Variants in EPHA5 observed in about 807,000 individuals in gnomAD.
EPHA5 encodes the protein ephrin type-A receptor 5.
A neutral mutation model predicts 105.0 loss-of-function variants in EPHA5; 60 were observed. The observed-to-expected ratio is 0.57, with a 90% CI of 0.46 to 0.71. The LOEUF (loss-of-function observed/expected upper bound fraction) is 0.71, where lower values mean the gene tolerates loss of function less well. EPHA5 is among the 30% of genes least tolerant of loss of function. EPHA5 has a pLI of 0.00. For missense variants in EPHA5, 1,218 were observed against 1,274.7 expected (o/e 0.96, Z 0.68); for synonymous variants, 513 against 449.1 (o/e 1.14, Z -1.80).
intron 3 of EPHA5, among the ~76,000 whole-genome samples, chr4:65,575,190 C>G (rs959900753): frequency 5.3e-5 from 8 of 151,946 alleles, no homozygotes; most frequent in African/African-American, 1.9e-4. Context: ...CAAAATGAAT[C>G]CTGGCAATCA....
In EPHA5 at chr4:65,601,654, AT is replaced by A; in HGVS notation, c.896del (p.Asn299MetfsTer123). ...CMCKAGYEEK[N>X]GTCQVCRPGF... ...GCAAACTCTTACCTTGACAGGTGCC[AT>A]TTTTCTCTTCATATCCTGCCTTGCA... On this transcript the variant is annotated frameshift_variant, in exon 3 of 17. Coordinates refer to ENST00000613740, the MANE Select transcript of EPHA5 (RefSeq NM_001281766.3). LOFTEE classifies it high-confidence loss of function. 6.2e-7 allele frequency: 1 copy of A among 1,612,914 alleles called. No individual in the cohort carries two copies. The highest frequency in any genetic ancestry group is 8.5e-7 in the Non-Finnish European group (1 of 1,179,018).
rs1363376793 is a variant in EPHA5 at position 65,348,188 on chromosome 4, T to C, written c.2461A>G (p.Ile821Val). 4.3e-6 allele frequency: 7 copies of C among 1,610,712 alleles called. No homozygotes were observed. The East Asian group carries it at 1.1e-4, about 26-fold the overall frequency. ...AYTTRGGKIP[I>V]RWTAPEAIAF... is the part of the protein sequence containing the mutation. ...ATTGCTTCTGGGGCAGTCCATCTGATTGGAATTTTTCCTCCCTAAAATTGA... is the reference window on the plus strand; with the variant it reads ...ATTGCTTCTGGGGCAGTCCATCTGACTGGAATTTTTCCTCCCTAAAATTGA... The change falls in exon 14 of 17, where the codon ATC becomes GTC. Residue 821 changes from isoleucine to valine, a missense_variant. Around this residue, in one of 3 missense-constraint regions of EPHA5, gnomAD observed 971 missense variants for 1,013.5 expected, o/e 0.96. Coordinates refer to ENST00000613740, the MANE Select transcript of EPHA5 (RefSeq NM_001281766.3).
chr4:65,454,618 T>A (rs990452249), intron 5 of EPHA5, among the ~76,000 whole-genome samples: 2 of 151,962 alleles, frequency 1.3e-5, no homozygotes, highest in African/African-American at 4.8e-5. Context: ...ACACTTAGAG[T>A]TTTTTGAGAA....
rs751133102 is a variant in EPHA5, at chr4:65,365,052, G to A, written c.2138C>T (p.Pro713Leu). ...EASIMGQFDH[P>L]NIIHLEGVVT... is the part of the protein sequence containing the mutation. ...CACACCTTCTAAATGGATGATGTTAGGATGATCAAACTGTCCCATGATACT... is the reference window on the plus strand; with the variant it reads ...CACACCTTCTAAATGGATGATGTTAAGATGATCAAACTGTCCCATGATACT... Residue 713 changes from proline to leucine, a missense_variant, in exon 11 of 17, where the codon CCT (proline) becomes CTT (leucine). Pro to Leu is a moderately conservative substitution (Grantham distance 98, BLOSUM62 -3). Coordinates refer to ENST00000613740, the MANE Select transcript of EPHA5 (RefSeq NM_001281766.3). The A allele has an allele frequency of 6.2e-6, 10 of 1,611,330 alleles. No individual in the cohort carries two copies. The Admixed American group carries it at 1.7e-4, about 27-fold the overall frequency.
chr4:65,376,967 C>G (rs1299473443), intron 8 of EPHA5: 1 of 1,581,584 alleles, frequency 6.3e-7, no homozygotes, highest in Non-Finnish European at 8.6e-7. Flanking sequence ...GTGGACATCA[C>G]ATAGGAGTGA....
intron 5 of EPHA5, among the ~76,000 whole-genome samples, chr4:65,466,239 T>G (rs1728706079): frequency 1.3e-5 from 2 of 152,074 alleles, no homozygotes; most frequent in South Asian, 4.1e-4. Flanking sequence ...TTGGGAGAAA[T>G]GTGGATATTT....
chr4:65,668,212 T>C (rs999826445), intron 1 of EPHA5, among the ~76,000 whole-genome samples: 28 of 152,146 alleles, frequency 1.8e-4, no homozygotes, highest in African/African-American at 6.5e-4. Context: ...ACCCTTCCTT[T>C]AGAGCTGGCA....
chr4:65,488,809 A>G (rs1212978694), intron 5 of EPHA5, among the ~76,000 whole-genome samples: 2 of 151,908 alleles, frequency 1.3e-5, no homozygotes, highest in Non-Finnish European at 2.9e-5. Context: ...GCTTCACACA[A>G]TCTGGGCTAA....
intron 1 of EPHA5, among the ~76,000 whole-genome samples, chr4:65,663,827 C>T (rs1560838689): frequency 6.6e-6 from 1 of 151,828 alleles, no homozygotes; most frequent in Non-Finnish European, 1.5e-5. Flanking sequence ...ATGCAAATTC[C>T]AATAAAGTCT....
In EPHA5 at chr4:65,526,794, C is replaced by T. The variant is rs1047696337; in HGVS notation, c.911-31251G>A. On this transcript the variant is annotated intron_variant, in intron 3 of 16. Transcript: ENST00000613740. ...TGGCTACAAGGTTTCTACAGTCTCACGTCTACCTTCTTAGAAAACTGCAGC... is the reference window on the plus strand; with the variant it reads ...TGGCTACAAGGTTTCTACAGTCTCATGTCTACCTTCTTAGAAAACTGCAGC... 3.9e-5 allele frequency among the ~76,000 whole-genome samples: 6 copies of T among 152,096 alleles called. No individual in the cohort carries two copies. In the South Asian group the frequency reaches 8.3e-4, roughly 21 times the overall value.
intron 8 of EPHA5, among the ~76,000 whole-genome samples, chr4:65,396,088 G>T (rs1721204233): frequency 6.6e-6 from 1 of 152,192 alleles, no homozygotes; most frequent in South Asian, 2.1e-4. Flanking sequence ...AAGACTCCCT[G>T]CCCCTGTAGG....
chr4:65,644,466 T>C (rs1268246442), intron 1 of EPHA5, among the ~76,000 whole-genome samples: 2 of 152,030 alleles, frequency 1.3e-5, no homozygotes, highest in South Asian at 2.1e-4. Context: ...TATTCCTATG[T>C]AGAGGTATTG....
chr4:65,572,317 C>G (rs1424315485), intron 3 of EPHA5, among the ~76,000 whole-genome samples: 1 of 152,004 alleles, frequency 6.6e-6, no homozygotes, highest in African/African-American at 2.4e-5. Context: ...TTATTTATGA[C>G]AATATCACCA....
chr4:65,431,669 C>G (rs1455334638), intron 5 of EPHA5, among the ~76,000 whole-genome samples: 1 of 152,044 alleles, frequency 6.6e-6, no homozygotes, highest in Non-Finnish European at 1.5e-5. Context: ...TTATCGCAAT[C>G]AACAATTCCA....
intron 3 of EPHA5, among the ~76,000 whole-genome samples, chr4:65,519,710 A>T (rs958418281): frequency 1.2e-4 from 19 of 152,168 alleles, no homozygotes; most frequent in Non-Finnish European, 2.5e-4. Context: ...TGCAAAAATC[A>T]CAAGCATTCT....
At chr4:65,490,812 G>C (rs543282669) in intron 4 of EPHA5, 100 bp from the exon 5 acceptor site, 23 of 1,216,588 alleles carry the variant, frequency 1.9e-5, no homozygotes, top group African/African-American at 1.8e-4. Flanking sequence ...AAATAGATTT[G>C]CAATAAGTCC....
rs1325417610 is a variant in EPHA5, at chr4:65,382,313, A to T, written c.1794-14889T>A. ...ATTTTTTTTCAAGCTATACTTCAAT[A>T]ATGACTCTCTGTTTTTACTTTGTTT... On this transcript the variant is annotated intron_variant, in intron 8 of 16. Transcript: ENST00000613740. Among the ~76,000 whole-genome samples, 3 of 151,664 alleles carry T rather than the reference A, an allele frequency of 2.0e-5. No homozygotes were observed. In the East Asian group the frequency reaches 5.8e-4, roughly 29 times the overall value.
intron 4 of EPHA5, 67 bp downstream of exon 4, chr4:65,495,321 C>T (rs2149224824): frequency 6.7e-6 from 10 of 1,482,278 alleles, no homozygotes; most frequent in African/African-American, 1.4e-5. Context: ...CTATAACAGG[C>T]TCCATCATGC....
chr4:65,669,633 C>T lies in EPHA5; in HGVS notation c.110G>A (p.Arg37Gln), dbSNP rs963468479. The T allele has an allele frequency of 4.2e-6, 6 of 1,412,576 alleles. No homozygotes were observed. The highest frequency in any genetic ancestry group is 4.6e-6 in the Non-Finnish European group (5 of 1,077,220). 87.5% of individuals were successfully genotyped at this position (1,412,576 alleles called of 1,614,324 possible). ...SLAGCYSAPR[R>Q]APLWTCLLLC... ...GAGAAGGCACGTCCAGAGGGGAGCC[C>T]GTCGAGGTGCAGAGTAGCAGCCGGC... The change falls in exon 1 of 17, where the codon CGG becomes CAG. Residue 37 changes from arginine to glutamine, a missense_variant. By Grantham distance (43) the Arg-to-Gln change is conservative. Coordinates refer to ENST00000613740, the MANE Select transcript of EPHA5 (RefSeq NM_001281766.3).
Sources: gnomAD v4.1 joint callset for allele counts (sites outside exome capture counted in the v4.1 genomes callset) on GRCh38, gnomAD v4.1.1 for gene constraint, gnomAD v4.1.1 regional missense constraint, MANE v1.5 for transcripts, NCBI Gene and HGNC (gene_info 2026-07-23, HGNC 2026-07-21) for gene names.